LIMCH1: variants seen among roughly 807,000 people sequenced by gnomAD.
LIMCH1 encodes the protein LIM and calponin homology domains-containing protein 1.
LIMCH1 carries 113 observed loss-of-function variants against 176.5 expected under a neutral mutation model. That is an observed-to-expected ratio of 0.64 (90% confidence interval 0.55 to 0.75). LIMCH1 has a LOEUF of 0.75. LIMCH1 is among the 30% of genes least tolerant of loss of function. LIMCH1 has a pLI of 0.00. For synonymous variants in LIMCH1, 619 were observed against 645.9 expected, an observed-to-expected ratio of 0.96 and a Z score of 0.63; for missense variants, 1,674 against 1,814.9, an observed-to-expected ratio of 0.92 and a Z score of 1.41.
intron 14 of LIMCH1, among the ~76,000 whole-genome samples, chr4:41,640,539 A>G (rs2093776148): frequency 6.6e-6 from 1 of 152,202 alleles, no homozygotes; most frequent in South Asian, 2.1e-4. Context: ...AGCCCCAGGG[A>G]CCAAGAAGAG....
intron 1 of LIMCH1, among the ~76,000 whole-genome samples, chr4:41,596,544 T>G (rs1270194769): frequency 6.6e-6 from 1 of 152,216 alleles, no homozygotes; most frequent in African/African-American, 2.4e-5. Flanking sequence ...GATGTTATAT[T>G]TAAATTCAGC....
chr4:41,640,342 A>C (rs2093768125), intron 14 of LIMCH1, among the ~76,000 whole-genome samples: 1 of 152,238 alleles, frequency 6.6e-6, no homozygotes. Flanking sequence ...TCATCAATGC[A>C]AGGCTGCTAT....
chr4:41,442,654 C>A (rs374662844), intron 1 of LIMCH1, among the ~76,000 whole-genome samples: 1 of 152,244 alleles, frequency 6.6e-6, no homozygotes, highest in African/African-American at 2.4e-5. Context: ...ACTGTGTTGA[C>A]AAAGAAAAAG....
At chr4:41,448,923 G>C (rs553636974) in intron 1 of LIMCH1, among the ~76,000 whole-genome samples, 3 of 151,790 alleles carry the variant, frequency 2.0e-5, no homozygotes, top group South Asian at 2.1e-4. Flanking sequence ...TCTATTTCAG[G>C]CTTTAAAAAA....
At chr4:41,431,740 A>G (rs979097742) in intron 1 of LIMCH1, among the ~76,000 whole-genome samples, 3 of 152,212 alleles carry the variant, frequency 2.0e-5, no homozygotes, top group South Asian at 2.1e-4. Flanking sequence ...TACATTACAT[A>G]TAGACTGAAT....
chr4:41,424,733 T>C (rs892060122), intron 1 of LIMCH1, among the ~76,000 whole-genome samples: 1 of 152,232 alleles, frequency 6.6e-6, no homozygotes, highest in Admixed American at 6.5e-5. Context: ...GGTTTTGGAA[T>C]TGTAGACCAT....
chr4:41,639,259 T>C (rs1337797134), intron 14 of LIMCH1, among the ~76,000 whole-genome samples: 1 of 152,244 alleles, frequency 6.6e-6, no homozygotes, highest in Non-Finnish European at 1.5e-5. Flanking sequence ...TGAACATTGG[T>C]ACCCCTTCTG....
At chr4:41,405,556 T>A (rs1457342997) in intron 1 of LIMCH1, among the ~76,000 whole-genome samples, 2 of 152,150 alleles carry the variant, frequency 1.3e-5, no homozygotes, top group African/African-American at 4.8e-5. Flanking sequence ...CAGTTGAGTC[T>A]TTCTTAGAAC....
At position 41,386,775 on chromosome 4, in the gene LIMCH1, AAAGATGTATCT is replaced by A. The variant is rs2056550590; in HGVS notation, c.96+25843_96+25853del. Among the ~76,000 whole-genome samples, 4 of 152,372 alleles carry A rather than the reference AAAGATGTATCT, an allele frequency of 2.6e-5. No individual in the cohort carries two copies. The South Asian group carries it at 8.3e-4, about 32-fold the overall frequency. On this transcript the variant is annotated intron_variant, in intron 1 of 26. Coordinates refer to the LIMCH1 transcript ENST00000313860. ...TTTAGGGAAAATATGGATATTTAGC[AAAGATGTATCT>A]AAGGGACAGCCTAGGTAACTTATCA...
intron 1 of LIMCH1, among the ~76,000 whole-genome samples, chr4:41,492,122 T>C (rs909676208): frequency 1.1e-4 from 16 of 152,174 alleles, no homozygotes; most frequent in Middle Eastern, 3.4e-3. Flanking sequence ...CATTGAGCAT[T>C]GAGTGAGCGA....
intron 30 of LIMCH1, among the ~76,000 whole-genome samples, chr4:41,691,592 CA>C (rs796984431): frequency 0.068 from 4,228 of 62,436 alleles, 82 homozygotes; most frequent in African/African-American, 0.14. Context: ...ACTAAAAATA[CA>C]AAAAAAAAAA....
intron 1 of LIMCH1, among the ~76,000 whole-genome samples, chr4:41,397,438 T>C (rs961858098): frequency 1.3e-5 from 2 of 152,210 alleles, no homozygotes; most frequent in Non-Finnish European, 2.9e-5. Flanking sequence ...CCTGAAGTTT[T>C]TTTTTCAGAA....
At chr4:41,573,108 C>T (rs933767086) in intron 1 of LIMCH1, among the ~76,000 whole-genome samples, 2 of 152,172 alleles carry the variant, frequency 1.3e-5, no homozygotes, top group African/African-American at 4.8e-5. Flanking sequence ...AGTTTACTGT[C>T]GTGTCTCCTC....
intron 1 of LIMCH1, among the ~76,000 whole-genome samples, chr4:41,406,859 G>A (rs2059011124): frequency 6.6e-6 from 1 of 152,138 alleles, no homozygotes. Context: ...ATGATTTTAG[G>A]TTTCAATGAA....
intron 17 of LIMCH1, among the ~76,000 whole-genome samples, chr4:41,649,593 G>A (rs951829153): frequency 4.6e-5 from 7 of 152,160 alleles, no homozygotes; most frequent in African/African-American, 4.8e-5. Context: ...ACCTGTTGAA[G>A]ATTCCATGCC....
At position 41,501,883 on chromosome 4, in the gene LIMCH1, TTTTA is replaced by T. The variant is rs1179082759; in HGVS notation, c.167+7278_167+7281del. 3.1e-3 allele frequency among the ~76,000 whole-genome samples: 392 copies of T among 124,610 alleles called. 2 individuals carry two copies. The highest frequency in any genetic ancestry group is 5.3e-3 in the Non-Finnish European group (294 of 55,986). The allele number at this position is 124,610 out of a possible 152,430, so 81.7% of individuals were successfully genotyped here. On this transcript the variant is annotated intron_variant, in intron 2 of 26. Transcript: ENST00000313860. The stretch of plus-strand genomic sequence containing the variant: ...TTTTTTTTTTTTTTTTTTTTTTTTT[TTTTA>T]AAAAAAACCTTCAATTTTTATTTTA...
At chr4:41,472,587 T>A (rs1026260046) in intron 1 of LIMCH1, among the ~76,000 whole-genome samples, 2 of 151,956 alleles carry the variant, frequency 1.3e-5, no homozygotes, top group Non-Finnish European at 2.9e-5. Context: ...ACCTGGCTAA[T>A]TTTTGTATTT....
chr4:41,502,601 G>A (rs1047097123), intron 2 of LIMCH1, among the ~76,000 whole-genome samples: 5 of 152,216 alleles, frequency 3.3e-5, no homozygotes, highest in African/African-American at 1.2e-4. Context: ...TCACTATTCT[G>A]ACTGGCGTGA....
intron 1 of LIMCH1, among the ~76,000 whole-genome samples, chr4:41,379,248 C>G (rs924923917): frequency 6.6e-6 from 1 of 152,118 alleles, no homozygotes; most frequent in Non-Finnish European, 1.5e-5. Flanking sequence ...TAAGATGGCT[C>G]CCTCATGTGC....
Sources: allele counts gnomAD v4.1 joint callset (sites outside exome capture counted in the v4.1 genomes callset), GRCh38; gene constraint gnomAD v4.1.1; transcripts MANE v1.5; gene names NCBI Gene and HGNC (gene_info 2026-07-23, HGNC 2026-07-21).